NR3C1: variants seen among roughly 807,000 people sequenced by gnomAD.
The protein encoded by NR3C1 is nuclear receptor subfamily 3 group C member 1.
NR3C1 carries 14 observed loss-of-function variants against 74.0 expected under a neutral mutation model. That is an observed-to-expected ratio of 0.19 (90% CI 0.12 to 0.30). The LOEUF (loss-of-function observed/expected upper bound fraction) is 0.30, where lower values mean the gene tolerates loss of function less well. NR3C1 is among the 10% of genes least tolerant of loss of function. NR3C1 has a pLI of 1.00. For synonymous variants in NR3C1, 308 were observed against 332.5 expected, an observed-to-expected ratio of 0.93 and a Z score of 0.80; for missense variants, 695 against 909.8, an observed-to-expected ratio of 0.76 and a Z score of 3.04.
chr5:143,333,427 G>A (rs573334020), intron 2 of NR3C1, among the ~76,000 whole-genome samples: 19 of 152,148 alleles, frequency 1.2e-4, no homozygotes, highest in Non-Finnish European at 2.6e-4. Context: ...AGGACATGGG[G>A]CTATGCATAG....
chr5:143,331,677 A>G (rs1180876461), intron 2 of NR3C1, among the ~76,000 whole-genome samples: 1 of 152,234 alleles, frequency 6.6e-6, no homozygotes, highest in Admixed American at 6.5e-5. Context: ...AAACTAACAC[A>G]GGAATAGAAA....
At chr5:143,309,711 A>C (rs1477690631) in intron 4 of NR3C1, among the ~76,000 whole-genome samples, 1 of 152,204 alleles carries the variant, frequency 6.6e-6, no homozygotes, top group Non-Finnish European at 1.5e-5. Flanking sequence ...TTTAAAAGGC[A>C]AACAGAAAAA....
chr5:143,393,878 T>C (rs1008926571), intron 2 of NR3C1, among the ~76,000 whole-genome samples: 2 of 152,098 alleles, frequency 1.3e-5, no homozygotes, highest in East Asian at 1.9e-4. Context: ...AATTTTATTG[T>C]AAAAAGAAAT....
intron 1 of NR3C1, among the ~76,000 whole-genome samples, chr5:143,432,625 A>G (rs1402370918): frequency 6.6e-6 from 1 of 152,224 alleles, no homozygotes; most frequent in Non-Finnish European, 1.5e-5. Context: ...GTTTGTTTAA[A>G]CAAAGTAAGC....
chr5:143,407,378 C>T (rs983170790), upstream of NR3C1: 2 of 152,186 alleles, frequency 1.3e-5, no homozygotes, highest in African/African-American at 4.8e-5. Context: ...CATCTGAGTG[C>T]TCCCCCCACT....
At chr5:143,347,457 T>C (rs956191388) in intron 2 of NR3C1, among the ~76,000 whole-genome samples, 2 of 152,206 alleles carry the variant, frequency 1.3e-5, no homozygotes, top group Non-Finnish European at 2.9e-5. Context: ...ATCACACTAG[T>C]AAAGAATTAA....
In NR3C1 at chr5:143,291,086, A is replaced by AACTT. The variant is rs757152941; in HGVS notation, c.2023+4370_2023+4373dup. Among the ~76,000 whole-genome samples the AACTT allele has an allele frequency of 1.6e-3, 240 of 152,058 alleles. 1 individual carries two copies. Among genetic ancestry groups the AACTT allele is most frequent in the Non-Finnish European group, 2.1e-3 (143 of 68,014 alleles). On this transcript the variant is annotated intron_variant, in intron 7 of 8. Transcript: ENST00000394464. The stretch of plus-strand genomic sequence containing the variant: ...CCCTATTTCTAGTTGTCATCCTTGA[A>AACTT]ACTTACTTTAGTTCTACTTTTTAGC...
chr5:143,332,729 T>C, intron 2 of NR3C1: 3 of 1,587,092 alleles, frequency 1.9e-6, no homozygotes, highest in South Asian at 2.2e-5. Flanking sequence ...TGAAACCTCA[T>C]GCCTTGGAAT....
intron 2 of NR3C1, among the ~76,000 whole-genome samples, chr5:143,367,615 C>G (rs1374470080): frequency 1.3e-5 from 2 of 152,078 alleles, no homozygotes; most frequent in Admixed American, 6.6e-5. Flanking sequence ...TAGCAATGAA[C>G]AATCTTAAAG....
Position 143,387,298 on chromosome 5 carries a change from TA to T in NR3C1, c.1184+12357del, listed in dbSNP as rs1197462237. 4.6e-5 allele frequency among the ~76,000 whole-genome samples: 7 copies of T among 152,350 alleles called. No individual in the cohort carries two copies. The East Asian group carries it at 1.3e-3, about 29-fold the overall frequency. On this transcript the variant is annotated intron_variant, in intron 2 of 8. Coordinates refer to ENST00000394464, the MANE Select transcript of NR3C1 (RefSeq NM_000176.3). ...ATTTAAGTCTCCTTTTTAAAAAAAT[TA>T]TAAACGAAATCACTAGTTATATTGT...
chr5:143,283,053 T>C (rs1813483907), intron 7 of NR3C1, among the ~76,000 whole-genome samples: 1 of 152,280 alleles, frequency 6.6e-6, no homozygotes. Context: ...CTAAATTTTT[T>C]TGTAGAGACA....
intron 2 of NR3C1, among the ~76,000 whole-genome samples, chr5:143,347,953 C>G (rs867114479): frequency 6.6e-6 from 1 of 151,894 alleles, no homozygotes; most frequent in Non-Finnish European, 1.5e-5. Flanking sequence ...CTTTCAATCT[C>G]TGTTCCCCAG....
intron 5 of NR3C1, among the ~76,000 whole-genome samples, 188 bp from the exon 6 acceptor site, chr5:143,299,000 C>CTTTTTTTTTTTTTTTTTTTTTTTTTTT (rs1817884419): frequency 7.4e-6 from 1 of 134,246 alleles, no homozygotes; most frequent in African/African-American, 2.7e-5. Flanking sequence ...CACAAACCCT[C>CTTTTTTTTTTTTTTTTTTTTTTTTTTT]TTGTGTTTTT....
chr5:143,317,096 G>A (rs909415943), intron 2 of NR3C1, among the ~76,000 whole-genome samples: 1 of 152,076 alleles, frequency 6.6e-6, no homozygotes, highest in Non-Finnish European at 1.5e-5. Flanking sequence ...AGACATCGGT[G>A]AAAAAAGCCA....
chr5:143,313,403 C>T (rs772221808), intron 3 of NR3C1, among the ~76,000 whole-genome samples: 19 of 152,034 alleles, frequency 1.2e-4, no homozygotes, highest in Non-Finnish European at 1.9e-4. Flanking sequence ...GGCCGAGTTT[C>T]TCTCTCCCTC....
chr5:143,310,990 G>A (rs989642329), intron 3 of NR3C1, among the ~76,000 whole-genome samples: 1 of 152,176 alleles, frequency 6.6e-6, no homozygotes, highest in Non-Finnish European at 1.5e-5. Context: ...ATAGTTTGGG[G>A]TAGATGGTTA....
At position 143,279,326 on chromosome 5, in the gene NR3C1, GT is replaced by G; in HGVS notation, c.*2562del. The G allele has an allele frequency of 1.3e-6, 2 of 1,539,688 alleles. No homozygotes were observed. The highest frequency in any genetic ancestry group is 1.7e-6 in the Non-Finnish European group (2 of 1,143,698). ...CACATAATCTTCTTTTTCTCATTGA[GT>G]TCTATTTTTTGAGCGCCAAGATTGT... On this transcript the variant is annotated 3_prime_UTR_variant, in exon 9 of 9. Coordinates refer to ENST00000394464, the MANE Select transcript of NR3C1 (RefSeq NM_000176.3).
At chr5:143,305,319 T>C (rs1819349055) in intron 4 of NR3C1, among the ~76,000 whole-genome samples, 1 of 152,150 alleles carries the variant, frequency 6.6e-6, no homozygotes, top group Non-Finnish European at 1.5e-5. Context: ...ATGACACCAC[T>C]GTGGAAAGAA....
intron 2 of NR3C1, among the ~76,000 whole-genome samples, chr5:143,324,149 G>C (rs1283989378): frequency 6.6e-6 from 1 of 152,196 alleles, no homozygotes; most frequent in Non-Finnish European, 1.5e-5. Flanking sequence ...ACTGGGCAGT[G>C]CCCCAGTAGG....
Sources: gnomAD v4.1 joint callset for allele counts (sites outside exome capture counted in the v4.1 genomes callset) on GRCh38, gnomAD v4.1.1 for gene constraint, MANE v1.5 for transcripts, NCBI Gene and HGNC (gene_info 2026-07-23, HGNC 2026-07-21) for gene names.